Variants in TUBA8 observed in about 807,000 individuals in gnomAD.
The protein encoded by TUBA8 is tubulin alpha 8, also known as tubulin alpha-8 chain.
TUBA8 carries 29 observed loss-of-function variants against 34.7 expected under a neutral mutation model. That is an observed-to-expected ratio of 0.84 (90% confidence interval 0.62 to 1.14). The LOEUF is 1.14. Among genes scored for constraint, TUBA8 ranks in the 50% most tolerant of loss-of-function variants. The probability of loss-of-function intolerance (pLI) is 0.00; values close to 1 mark genes in which losing one functional copy is unlikely to be tolerated. For missense variants in TUBA8, 541 were observed against 599.2 expected (o/e 0.90, Z 1.01); for synonymous variants, 226 against 231.2 (o/e 0.98, Z 0.21).
intron 1 of TUBA8, chr22:18,115,986 C>A (rs754963453): frequency 6.6e-6 from 1 of 152,234 alleles, no homozygotes; most frequent in Non-Finnish European, 1.5e-5. Context: ...TGTCTGAGCT[C>A]TACAAGCCCA....
rs1444336203 is a variant in TUBA8, at chr22:18,121,900, T to G, written c.226+199T>G. On this transcript the variant is annotated intron_variant, in intron 2 of 4. Transcript: ENST00000330423. This position sits in a 1 kb window ranked among gnomAD's most constrained non-coding sequence, Gnocchi z 4.8. ...TCTCATGACAGTGATCAAGACTCTA[T>G]GCAGAACAAAATGCCTCCCACTTCA... 1.7e-6 allele frequency: 1 copy of G among 594,680 alleles called. No individual in the cohort carries two copies. The highest frequency in any genetic ancestry group is 2.9e-5 in the Admixed American group (1 of 33,908). The allele number at this position is 594,680 out of a possible 1,614,324, so 36.8% of individuals were successfully genotyped here.
rs1054350154 is a variant in TUBA8 at position 18,121,968 on chromosome 22, A to G, written c.226+267A>G. On this transcript the variant is annotated intron_variant, in intron 2 of 4. Transcript: ENST00000330423. The surrounding 1 kb of genome is among the most constrained non-coding windows in gnomAD (Gnocchi z 4.8). ...ACCAGGTCAAAATGGTCACATCGCTACTAAATACTAAGGATAAGAAAATCC... is the reference window on the plus strand; with the variant it reads ...ACCAGGTCAAAATGGTCACATCGCTGCTAAATACTAAGGATAAGAAAATCC... 1 of 495,216 alleles carries G rather than the reference A, an allele frequency of 2.0e-6. No individual in the cohort carries two copies. The highest frequency in any genetic ancestry group is 3.7e-6 in the Non-Finnish European group (1 of 273,392). 30.7% of individuals were successfully genotyped at this position (495,216 alleles called of 1,614,324 possible). A position where few individuals can be genotyped will look rare whatever the true frequency, so the allele number is the denominator to read the frequency against.
chr22:18,116,457 A>G (rs1006312026), intron 1 of TUBA8: 12 of 152,146 alleles, frequency 7.9e-5, no homozygotes, highest in African/African-American at 2.7e-4. Context: ...TGACATACTG[A>G]ATTTGTCCCT....
In TUBA8 at chr22:18,111,533, A is replaced by G. The variant is rs1208934651; in HGVS notation, c.3+665A>G. On this transcript the variant is annotated intron_variant, in intron 1 of 4. Coordinates refer to ENST00000330423, the MANE Select transcript of TUBA8 (RefSeq NM_018943.3). This position sits in a 1 kb window ranked among gnomAD's most constrained non-coding sequence, Gnocchi z 5.1. ...CCAGGGGACCTTCGACCTGTTTCCTACCCTGGCTTAGGGGGATCGCGGCTG... is the reference window on the plus strand; with the variant it reads ...CCAGGGGACCTTCGACCTGTTTCCTGCCCTGGCTTAGGGGGATCGCGGCTG... The G allele has an allele frequency of 6.6e-6, 1 of 152,244 alleles. No individual in the cohort carries two copies. Among genetic ancestry groups the G allele is most frequent in the Non-Finnish European group, 1.5e-5 (1 of 68,246 alleles). The allele number at this position is 152,244 out of a possible 1,614,324, so 9.4% of individuals were successfully genotyped here. A position where few individuals can be genotyped will look rare whatever the true frequency, so the allele number is the denominator to read the frequency against.
intron 4 of TUBA8, chr22:18,127,360 C>T: frequency 8.5e-6 from 2 of 233,926 alleles, no homozygotes; most frequent in Non-Finnish European, 1.6e-5. Context: ...TTTTGGTGTT[C>T]ATGATTTGGT....
At chr22:18,123,895 A>G (rs1333784144) in intron 2 of TUBA8, 29 of 493,488 alleles carry the variant, frequency 5.9e-5, no homozygotes, top group Admixed American at 2.6e-4. Flanking sequence ...AGCTTTGTAA[A>G]GCTAAGTCTT....
In TUBA8 at chr22:18,121,134, A is replaced by G. The variant is rs183999799; in HGVS notation, c.4-345A>G. 109 of 329,248 alleles carry G rather than the reference A, an allele frequency of 3.3e-4. No homozygotes were observed. In the East Asian group the frequency reaches 6.9e-3, roughly 21 times the overall value. The allele number at this position is 329,248 out of a possible 1,614,324, so 20.4% of individuals were successfully genotyped here. A position where few individuals can be genotyped will look rare whatever the true frequency, so the allele number is the denominator to read the frequency against. ...CGTAGGCTGAAGGAGAGTTTCTGCC[A>G]TGATCGCCAGTTCTTCCTTGGGCCT... On this transcript the variant is annotated intron_variant, in intron 1 of 4. Transcript: ENST00000330423. The surrounding 1 kb of genome is among the most constrained non-coding windows in gnomAD (Gnocchi z 4.8).
chr22:18,110,989 G>A lies in TUBA8; in HGVS notation c.3+121G>A, dbSNP rs1023815923. The A allele has an allele frequency of 8.8e-6, 13 of 1,475,082 alleles. No homozygotes were observed. Among genetic ancestry groups the A allele is most frequent in the Non-Finnish European group, 1.2e-5 (13 of 1,094,754 alleles). The allele number at this position is 1,475,082 out of a possible 1,614,324, so 91.4% of individuals were successfully genotyped here. On this transcript the variant is annotated intron_variant, in intron 1 of 4. Transcript: ENST00000330423. The surrounding 1 kb of genome is among the most constrained non-coding windows in gnomAD (Gnocchi z 6.2). ...AGCCGCAGGGCTCAAGGCCTTCTGG[G>A]GGTGGCAGTTCAGGGTCGAGGAGTC...
At chr22:18,123,402 C>G (rs986418197) in intron 2 of TUBA8, 1 of 148,662 alleles carries the variant, frequency 6.7e-6, no homozygotes, top group Non-Finnish European at 1.5e-5. Flanking sequence ...CTACAGGTGC[C>G]GGCCACCACG....
In TUBA8 at chr22:18,131,067, C is replaced by T. The variant is rs1280577316; in HGVS notation, c.1281C>T (p.Ala427=). The T allele has an allele frequency of 3.7e-6, 6 of 1,614,016 alleles. No individual in the cohort carries two copies. Among genetic ancestry groups the T allele is most frequent in the Admixed American group, 1.7e-5 (1 of 60,000 alleles). ...CTGAGGCCAGGGAAGACTTAGCTGCCCTGGAGAAGGATTATGAAGAAGTGG... is the reference window on the plus strand; with the variant it reads ...CTGAGGCCAGGGAAGACTTAGCTGCTCTGGAGAAGGATTATGAAGAAGTGG... ...EFSEAREDLA[A]LEKDYEEVGT... Residue 427 remains alanine (A), a synonymous_variant, in exon 5 of 5, where the codon GCC becomes GCT. Transcript: ENST00000330423. The surrounding 1 kb of genome is among the most constrained non-coding windows in gnomAD (Gnocchi z 5.3).
At chr22:18,115,571 A>C (rs1201357949) in intron 1 of TUBA8, 1 of 152,256 alleles carries the variant, frequency 6.6e-6, no homozygotes, top group Non-Finnish European at 1.5e-5. Flanking sequence ...AGGTGCGAAA[A>C]TGAACAGGCA....
Position 18,121,382 on chromosome 22 carries a change from G to A in TUBA8, c.4-97G>A. 9.1e-7 allele frequency: 1 copy of A among 1,100,642 alleles called. No homozygotes were observed. Among genetic ancestry groups the A allele is most frequent in the African/African-American group, 1.5e-5 (1 of 65,258 alleles). The allele number at this position is 1,100,642 out of a possible 1,614,324, so 68.2% of individuals were successfully genotyped here. A position where few individuals can be genotyped will look rare whatever the true frequency, so the allele number is the denominator to read the frequency against. ...CGCCAACTGGCAATGGGGGGCTGGG[G>A]CCTGGCTGGCCTGCAAGGTGAATGT... On this transcript the variant is annotated intron_variant, in intron 1 of 4. Coordinates refer to ENST00000330423, the MANE Select transcript of TUBA8 (RefSeq NM_018943.3). The surrounding 1 kb of genome is among the most constrained non-coding windows in gnomAD (Gnocchi z 4.8).
intron 4 of TUBA8, chr22:18,129,514 T>C (rs1038659898): frequency 1.3e-5 from 2 of 152,314 alleles, no homozygotes; most frequent in African/African-American, 2.4e-5. Context: ...ACAAGGTTTA[T>C]GGCAGTCGGC....
rs1215040598 is a variant in TUBA8, at chr22:18,131,194, T to C, written c.*58T>C. On this transcript the variant is annotated 3_prime_UTR_variant, in exon 5 of 5. Coordinates refer to ENST00000330423, the MANE Select transcript of TUBA8 (RefSeq NM_018943.3). The surrounding 1 kb of genome is among the most constrained non-coding windows in gnomAD (Gnocchi z 5.3). ...TTTATGCTGTGCCATTCAAAGCACA[T>C]GTTCAAGAGAACAGAACACTCTCCC... is the stretch of plus-strand genomic sequence containing the variant. The C allele has an allele frequency of 4.5e-6, 7 of 1,564,484 alleles. No individual in the cohort carries two copies. The South Asian group carries it at 5.6e-5, about 12-fold the overall frequency.
chr22:18,119,664 G>C lies in TUBA8; in HGVS notation c.4-1815G>C, dbSNP rs1434311013. The C allele has an allele frequency of 6.6e-6, 1 of 152,356 alleles. No homozygotes were observed. The highest frequency in any genetic ancestry group is 1.5e-5 in the Non-Finnish European group (1 of 68,166). 9.4% of individuals were successfully genotyped at this position (152,356 alleles called of 1,614,324 possible). ...CATCCTCCCTCAAGGCAAGGACCAG[G>C]TGTCGCTCAGCTGTAGCACAGAGAC... On this transcript the variant is annotated intron_variant, in intron 1 of 4. Coordinates refer to ENST00000330423, the MANE Select transcript of TUBA8 (RefSeq NM_018943.3). This position sits in a 1 kb window ranked among gnomAD's most constrained non-coding sequence, Gnocchi z 5.9.
chr22:18,121,322 C>T lies in TUBA8; in HGVS notation c.4-157C>T, dbSNP rs998443718. ...TCTTCTTTGGATCTAAGTCCTGGTC[C>T]AGCTGCTATAGAGCTGGGGCACCTG... is the stretch of plus-strand genomic sequence containing the variant. On this transcript the variant is annotated intron_variant, in intron 1 of 4. Coordinates refer to ENST00000330423, the MANE Select transcript of TUBA8 (RefSeq NM_018943.3). This position sits in a 1 kb window ranked among gnomAD's most constrained non-coding sequence, Gnocchi z 4.8. 13 of 663,964 alleles carry T rather than the reference C, an allele frequency of 2.0e-5. No homozygotes were observed. Among genetic ancestry groups the T allele is most frequent in the Non-Finnish European group, 3.6e-5 (13 of 361,412 alleles). The allele number at this position is 663,964 out of a possible 1,614,324, so 41.1% of individuals were successfully genotyped here. A position where few individuals can be genotyped will look rare whatever the true frequency, so the allele number is the denominator to read the frequency against.
At chr22:18,125,928 C>A in intron 3 of TUBA8, 1 of 258,180 alleles carries the variant, frequency 3.9e-6, no homozygotes, top group Non-Finnish European at 7.5e-6. Flanking sequence ...GTGGTGTGAT[C>A]ATAGATTTCT....
chr22:18,123,287 C>T (rs1243238178), intron 2 of TUBA8: 1 of 151,134 alleles, frequency 6.6e-6, no homozygotes, highest in Non-Finnish European at 1.5e-5. Context: ...CGGAGTCTCG[C>T]TCGGTCGCCC....
chr22:18,114,804 A>C (rs1363139794), intron 1 of TUBA8: 1 of 152,108 alleles, frequency 6.6e-6, no homozygotes, highest in Non-Finnish European at 1.5e-5. Flanking sequence ...CCTCTCCCAG[A>C]TGATATGCCA....
Sources: gnomAD v4.1 joint callset for allele counts on GRCh38, gnomAD v4.1.1 for gene constraint, Gnocchi (gnomAD v3.1) non-coding constraint, MANE v1.5 for transcripts, NCBI Gene and HGNC (gene_info 2026-07-23, HGNC 2026-07-21) for gene names.